Variants in FMN2 observed in about 807,000 individuals in gnomAD.
FMN2 encodes the protein formin 2.
Under a neutral mutation model 142.3 loss-of-function variants are expected in FMN2, and 51 were observed. That is an observed-to-expected ratio of 0.36 (90% confidence interval 0.29 to 0.45). FMN2 has a LOEUF of 0.45. Among genes scored for constraint, FMN2 ranks in the 20% least tolerant of loss-of-function variants. The pLI, the probability that FMN2 is intolerant of heterozygous loss-of-function variation, is 1.00. For missense variants in FMN2, 1,936 were observed against 2,122.8 expected (o/e 0.91, Z 1.73); for synonymous variants, 882 against 869.8 (o/e 1.01, Z -0.25).
intron 1 of FMN2, among the ~76,000 whole-genome samples, chr1:240,109,302 C>T (rs1285093920): frequency 2.0e-5 from 3 of 152,186 alleles, no homozygotes; most frequent in African/African-American, 7.2e-5. Flanking sequence ...CTGGCTCTAA[C>T]ATACTGAAGA....
At position 240,176,246 on chromosome 1, in the gene FMN2, T is replaced by C. The variant is rs183464617; in HGVS notation, c.1783-1675T>C. ...TTTTGTATATGGGGTAAGAATTTACTGGGTTTTAATGAAAGCAAATCTCAA... is the reference window on the plus strand; with the variant it reads ...TTTTGTATATGGGGTAAGAATTTACCGGGTTTTAATGAAAGCAAATCTCAA... On this transcript the variant is annotated intron_variant, in intron 2 of 17. Transcript: ENST00000319653. Among the ~76,000 whole-genome samples the C allele has an allele frequency of 1.8e-3, 281 of 152,324 alleles. 5 individuals are homozygous for C. The highest frequency in any genetic ancestry group is 0.017 in the Admixed American group (255 of 15,296).
chr1:240,404,016 A>C (rs1674072470), intron 15 of FMN2, among the ~76,000 whole-genome samples: 1 of 152,224 alleles, frequency 6.6e-6, no homozygotes, highest in South Asian at 2.1e-4. Flanking sequence ...ATATTGCTTA[A>C]GTGGTATTTT....
At chr1:240,374,314 C>T (rs1234667072) in intron 14 of FMN2, among the ~76,000 whole-genome samples, 1 of 152,128 alleles carries the variant, frequency 6.6e-6, no homozygotes, top group Non-Finnish European at 1.5e-5. Flanking sequence ...TGCATTAGCC[C>T]CTACAAAGAA....
chr1:240,193,198 G>A (rs1159291633), intron 4 of FMN2, among the ~76,000 whole-genome samples: 1 of 152,138 alleles, frequency 6.6e-6, no homozygotes, highest in Non-Finnish European at 1.5e-5. Flanking sequence ...TCCAATGGGG[G>A]TCGTGGAGCT....
In FMN2 at chr1:240,093,276, T is replaced by C; in HGVS notation, c.1167T>C (p.Pro389=). The C allele has an allele frequency of 6.2e-7, 1 of 1,604,510 alleles. No individual in the cohort carries two copies. The highest frequency in any genetic ancestry group is 1.1e-5 in the South Asian group (1 of 89,896). ...GEEPEEEAQG[P]DAPAAASLPG... ...AGCCGGAGGAGGAGGCGCAAGGACC[T>C]GACGCCCCCGCGGCCGCTTCCCTGC... Residue 389 remains proline (P), a synonymous_variant, in exon 1 of 18, where the codon CCT becomes CCC. Transcript: ENST00000319653.
intron 11 of FMN2, among the ~76,000 whole-genome samples, chr1:240,331,783 G>T (rs1170178541): frequency 6.6e-6 from 1 of 152,144 alleles, no homozygotes; most frequent in Non-Finnish European, 1.5e-5. Context: ...GCTTAGCCTA[G>T]CCTGCCTCAA....
Position 240,092,259 on chromosome 1 carries a change from G to T in FMN2, c.150G>T (p.Lys50Asn), listed in dbSNP as rs763463020. ...AGAAGGCGCTAGGCAAGCACGGCAA[G>T]GGGGGAGGGGGCGGCGGCGGCGGCG... ...GGKKALGKHG[K>N]GGGGGGGGGE... Residue 50 changes from lysine to asparagine, a missense_variant, in exon 1 of 18, where the codon AAG becomes AAT. Physicochemically the swap from Lys to Asn is moderately conservative, Grantham distance 94 (BLOSUM62 0). Transcript: ENST00000319653. 4 of 1,121,606 alleles carry T rather than the reference G, an allele frequency of 3.6e-6. No individual in the cohort carries two copies. Among genetic ancestry groups the T allele is most frequent in the East Asian group, 2.5e-5 (1 of 40,196 alleles). The allele number at this position is 1,121,606 out of a possible 1,614,324, so 69.5% of individuals were successfully genotyped here.
At chr1:240,334,265 T>G in intron 13 of FMN2, 36 bp downstream of exon 13, 1 of 1,548,604 alleles carries the variant, frequency 6.5e-7, no homozygotes, top group Non-Finnish European at 8.7e-7. Flanking sequence ...TTTCTGTTTA[T>G]GCTTTTTTAA....
chr1:240,346,990 A>G (rs912761293), intron 13 of FMN2, among the ~76,000 whole-genome samples: 2 of 152,194 alleles, frequency 1.3e-5, no homozygotes, highest in African/African-American at 2.4e-5. Context: ...ATTCAAACAG[A>G]TATTATGTAT....
At chr1:240,236,510 T>C (rs1265233852) in intron 6 of FMN2, among the ~76,000 whole-genome samples, 2 of 152,202 alleles carry the variant, frequency 1.3e-5, no homozygotes, top group Non-Finnish European at 2.9e-5. Flanking sequence ...AGAGGTTTAT[T>C]TGGCTCATGG....
chr1:240,361,179 AT>A (rs1672467154), intron 14 of FMN2, among the ~76,000 whole-genome samples: 6 of 105,992 alleles, frequency 5.7e-5, no homozygotes, highest in East Asian at 2.4e-4. Context: ...ATATATATAT[AT>A]ATATAAAAGA....
At chr1:240,121,328 G>A (rs1029353708) in intron 1 of FMN2, among the ~76,000 whole-genome samples, 4 of 151,978 alleles carry the variant, frequency 2.6e-5, no homozygotes, top group African/African-American at 9.7e-5. Context: ...CCTGGGCTAG[G>A]TGGACCCAGG....
chr1:240,233,504 T>A (rs914682417), intron 6 of FMN2, among the ~76,000 whole-genome samples: 1 of 152,174 alleles, frequency 6.6e-6, no homozygotes, highest in South Asian at 2.1e-4. Flanking sequence ...TAAATTTAAT[T>A]CCACAGAAGT....
At chr1:240,398,474 T>G (rs549715392) in intron 15 of FMN2, among the ~76,000 whole-genome samples, 1 of 152,294 alleles carries the variant, frequency 6.6e-6, no homozygotes, top group South Asian at 2.1e-4. Flanking sequence ...GTGAGTTGCA[T>G]GAAAAAATTA....
In FMN2 at chr1:240,218,072, C is replaced by G. The variant is rs552657615; in HGVS notation, c.4065+6837C>G. ...GGCCTAGGTGGGCGGATCACAAGGT[C>G]AAGAGATCGAGACCATCCTGGCCAA... On this transcript the variant is annotated intron_variant, in intron 6 of 17. Transcript: ENST00000319653. Among the ~76,000 whole-genome samples, 411 of 152,044 alleles carry G rather than the reference C, an allele frequency of 2.7e-3. 3 individuals are homozygous for G. In the South Asian group the frequency reaches 0.027, roughly 10 times the overall value.
intron 6 of FMN2, among the ~76,000 whole-genome samples, chr1:240,216,637 A>G (rs1666907417): frequency 6.6e-6 from 1 of 152,238 alleles, no homozygotes; most frequent in Non-Finnish European, 1.5e-5. Context: ...TTTATTACAG[A>G]TACTAACTTT....
chr1:240,273,110 A>G (rs1408419395), intron 7 of FMN2, among the ~76,000 whole-genome samples: 1 of 152,182 alleles, frequency 6.6e-6, no homozygotes, highest in Admixed American at 6.6e-5. Context: ...GTTCTCTATC[A>G]TTGTCAAAAA....
intron 1 of FMN2, among the ~76,000 whole-genome samples, chr1:240,119,851 T>C (rs779750987): frequency 1.3e-5 from 2 of 152,188 alleles, no homozygotes; most frequent in Non-Finnish European, 2.9e-5. Context: ...GTCATATACA[T>C]TATCTGAGCG....
At chr1:240,310,828 CTTCAA>C (rs1670580625) in intron 8 of FMN2, among the ~76,000 whole-genome samples, 1 of 152,078 alleles carries the variant, frequency 6.6e-6, no homozygotes, top group African/African-American at 2.4e-5. Context: ...GAATGACTAA[CTTCAA>C]TTCAAAAATG....
Sources: allele counts gnomAD v4.1 joint callset (sites outside exome capture counted in the v4.1 genomes callset), GRCh38; gene constraint gnomAD v4.1.1; transcripts MANE v1.5; gene names NCBI Gene and HGNC (gene_info 2026-07-23, HGNC 2026-07-21).